Variants in MICAL3 observed in about 807,000 individuals in gnomAD.
The protein encoded by MICAL3 is microtubule associated monooxygenase, calponin and LIM domain containing 3.
MICAL3 carries 62 observed loss-of-function variants against 207.4 expected under a neutral mutation model. The ratio of observed to expected loss-of-function variants is 0.30; its 90% CI spans 0.24 to 0.37. The LOEUF is 0.37. Among genes scored for constraint, MICAL3 ranks in the 10% least tolerant of loss-of-function variants. The pLI is 1.00. For synonymous variants in MICAL3, 1,077 were observed against 1,069.3 expected (o/e 1.01, Z -0.14); for missense variants, 2,368 against 2,635.6 (o/e 0.90, Z 2.22).
At chr22:17,820,575 C>G (rs962212582) in intron 25 of MICAL3, among the ~76,000 whole-genome samples, 1 of 152,142 alleles carries the variant, frequency 6.6e-6, no homozygotes, top group South Asian at 2.1e-4. Flanking sequence ...AGGATGGTCT[C>G]GATCTCCTGA....
At chr22:17,976,932 A>G (rs921118354) in intron 1 of MICAL3, among the ~76,000 whole-genome samples, 1 of 151,354 alleles carries the variant, frequency 6.6e-6, no homozygotes, top group Non-Finnish European at 1.5e-5. Flanking sequence ...TCAGCCTCCC[A>G]AGAAGCTGGG....
chr22:17,912,422 T>C (rs73388413), intron 1 of MICAL3, among the ~76,000 whole-genome samples: 5,633 of 152,222 alleles, frequency 0.037, 365 homozygotes, highest in African/African-American at 0.13. Flanking sequence ...TGAATGTGTA[T>C]TGTTTGGGTA....
intron 19 of MICAL3, chr22:17,861,989 G>C (rs191291781): frequency 2.0e-6 from 2 of 985,402 alleles, no homozygotes; most frequent in African/African-American, 1.7e-5. Context: ...AGAACATAAA[G>C]GAGAAGAGAG....
At position 17,789,399 on chromosome 22, in the gene MICAL3, G is replaced by A. The variant is rs2061808685; in HGVS notation, c.*1333C>T. ...CTTTAACATATGTGCGGAGGAAGGT[G>A]ATGCCCTGGCCCCCAAACTGAGACA... On this transcript the variant is annotated 3_prime_UTR_variant, in exon 32 of 32. Coordinates refer to ENST00000441493, the MANE Select transcript of MICAL3 (RefSeq NM_015241.3). 1 of 152,260 alleles carries A rather than the reference G, an allele frequency of 6.6e-6. No individual in the cohort carries two copies. Among genetic ancestry groups the A allele is most frequent in the Non-Finnish European group, 1.5e-5 (1 of 68,056 alleles). The allele number at this position is 152,260 out of a possible 1,614,324, so 9.4% of individuals were successfully genotyped here. A position where few individuals can be genotyped will look rare whatever the true frequency, so the allele number is the denominator to read the frequency against.
Position 17,821,528 on chromosome 22 carries a change from G to C in MICAL3, c.3449-19C>G. 6.5e-7 allele frequency: 1 copy of C among 1,532,414 alleles called. No homozygotes were observed. The highest frequency in any genetic ancestry group is 8.8e-7 in the Non-Finnish European group (1 of 1,139,288). The allele number at this position is 1,532,414 out of a possible 1,614,324, so 94.9% of individuals were successfully genotyped here. On this transcript the variant is annotated intron_variant, in intron 24 of 31. Transcript: ENST00000441493. ...GAGGGACCTGAAAAGAATGAACACA[G>C]GGACTTACAAGAGGAAGCCCCCCCA...
At chr22:17,882,125 A>G (rs960258909) in intron 16 of MICAL3, among the ~76,000 whole-genome samples, 2 of 152,256 alleles carry the variant, frequency 1.3e-5, no homozygotes, top group East Asian at 1.9e-4. Flanking sequence ...ATGACAATCT[A>G]CTTCCAAACT....
chr22:17,822,304 C>T (rs766050119), intron 23 of MICAL3, 134 bp from the exon 24 acceptor site: 57 of 1,175,798 alleles, frequency 4.8e-5, no homozygotes, highest in Non-Finnish European at 6.5e-5. Context: ...CCTTCTTACG[C>T]AGGGACAGAC....
intron 1 of MICAL3, among the ~76,000 whole-genome samples, chr22:17,931,943 T>C (rs773386751): frequency 1.3e-5 from 2 of 152,182 alleles, no homozygotes; most frequent in Non-Finnish European, 2.9e-5. Context: ...AAACTTACAG[T>C]GGTGAATGGA....
intron 12 of MICAL3, 87 bp downstream of exon 12, chr22:17,891,398 G>C (rs1930385333): frequency 1.5e-6 from 2 of 1,298,264 alleles, no homozygotes; most frequent in Non-Finnish European, 2.2e-6. Context: ...CCTCATTCTA[G>C]GAAAAAGGAC....
chr22:17,874,783 CAA>C (rs1032942206), intron 16 of MICAL3, among the ~76,000 whole-genome samples: 5 of 151,998 alleles, frequency 3.3e-5, no homozygotes, highest in Non-Finnish European at 5.9e-5. Context: ...GTAGGAGCGG[CAA>C]AGAGACCTTC....
chr22:17,867,312 AG>A (rs780904121), intron 17 of MICAL3, among the ~76,000 whole-genome samples: 1 of 152,330 alleles, frequency 6.6e-6, no homozygotes, highest in Non-Finnish European at 1.5e-5. Context: ...GACAGCCAAA[AG>A]TCCGCCAGTC....
chr22:17,937,881 C>T lies in MICAL3; in HGVS notation c.-74-30995G>A, dbSNP rs1015800717. On this transcript the variant is annotated intron_variant, in intron 1 of 31. Transcript: ENST00000441493. ...TAAAGCAGTCAAGATATGAATGAAG[C>T]CAACAAATTACTTGCAAGAGTGCAC... is the stretch of plus-strand genomic sequence containing the variant. Among the ~76,000 whole-genome samples, 5 of 152,228 alleles carry T rather than the reference C, an allele frequency of 3.3e-5. 1 individual carries two copies. The highest frequency in any genetic ancestry group is 2.1e-4 in the South Asian group (1 of 4,814).
intron 20 of MICAL3, among the ~76,000 whole-genome samples, chr22:17,836,070 A>T (rs1221061788): frequency 1.3e-5 from 2 of 152,024 alleles, no homozygotes; most frequent in African/African-American, 4.8e-5. Context: ...CAGCTACTCA[A>T]CTCAAAGCAC....
At chr22:17,982,480 G>A (rs1848622833) in intron 1 of MICAL3, among the ~76,000 whole-genome samples, 1 of 152,158 alleles carries the variant, frequency 6.6e-6, no homozygotes, top group South Asian at 2.1e-4. Context: ...AGACCAGCCT[G>A]GCCAAGATGG....
At chr22:17,970,048 T>C (rs1056825600) in intron 1 of MICAL3, among the ~76,000 whole-genome samples, 1 of 152,226 alleles carries the variant, frequency 6.6e-6, no homozygotes, top group African/African-American at 2.4e-5. Flanking sequence ...ATTCACAGTG[T>C]GCAGAGGGAC....
chr22:17,883,855 T>C (rs1350824439), intron 16 of MICAL3, among the ~76,000 whole-genome samples: 1 of 152,204 alleles, frequency 6.6e-6, no homozygotes, highest in African/African-American at 2.4e-5. Context: ...AACATTCTCC[T>C]ATTTAATGTA....
At chr22:17,923,545 C>G (rs1005296555) in intron 1 of MICAL3, among the ~76,000 whole-genome samples, 1 of 152,234 alleles carries the variant, frequency 6.6e-6, no homozygotes, top group East Asian at 1.9e-4. Flanking sequence ...GCCAAAAGGC[C>G]CAGGCCACCT....
chr22:17,997,376 T>C (rs1467693911), intron 1 of MICAL3, among the ~76,000 whole-genome samples: 6 of 152,198 alleles, frequency 3.9e-5, no homozygotes, highest in African/African-American at 1.4e-4. Context: ...TCTGGTCTTA[T>C]TAAATACTTC....
intron 1 of MICAL3, among the ~76,000 whole-genome samples, chr22:17,928,848 G>A (rs1335877522): frequency 5.3e-5 from 8 of 152,192 alleles, no homozygotes; most frequent in Non-Finnish European, 1.5e-5. Context: ...AGGCTGGAGT[G>A]CAGTGTCGTG....
Sources: allele counts gnomAD v4.1 joint callset (sites outside exome capture counted in the v4.1 genomes callset), GRCh38; gene constraint gnomAD v4.1.1; transcripts MANE v1.5; gene names NCBI Gene and HGNC (gene_info 2026-07-23, HGNC 2026-07-21).